Variants in LSAMP observed in about 807,000 individuals in gnomAD.
LSAMP encodes the protein limbic system-associated membrane protein.
Under a neutral mutation model 38.6 loss-of-function variants are expected in LSAMP, and 7 were observed. That is an observed-to-expected ratio of 0.18 (90% CI 0.10 to 0.34). The LOEUF (loss-of-function observed/expected upper bound fraction) is 0.34, where lower values mean the gene tolerates loss of function less well. Ranked by LOEUF, LSAMP falls within the 10% of genes least tolerant of loss-of-function variation. The pLI, the probability that LSAMP is intolerant of heterozygous loss-of-function variation, is 1.00. For missense variants in LSAMP, 313 were observed against 420.0 expected (o/e 0.75, Z 2.23); for synonymous variants, 154 against 166.8 (o/e 0.92, Z 0.59).
intron 3 of LSAMP, among the ~76,000 whole-genome samples, chr3:115,977,585 C>T (rs1576276813): frequency 6.6e-6 from 1 of 152,168 alleles, no homozygotes; most frequent in Non-Finnish European, 1.5e-5. Context: ...ACTCCACCAG[C>T]TGGTATTGTA....
At chr3:116,412,291 A>T (rs760330149) in intron 1 of LSAMP, among the ~76,000 whole-genome samples, 10 of 152,072 alleles carry the variant, frequency 6.6e-5, no homozygotes, top group Non-Finnish European at 1.2e-4. Context: ...TGAGTTAAAA[A>T]GATCTGTTCT....
At chr3:116,348,323 C>T (rs527406434) in intron 1 of LSAMP, among the ~76,000 whole-genome samples, 108 of 152,176 alleles carry the variant, frequency 7.1e-4, no homozygotes, top group African/African-American at 2.6e-3. Flanking sequence ...TTGAAAACCT[C>T]TCATATGGCA....
At chr3:116,334,781 C>T (rs1279627467) in intron 1 of LSAMP, among the ~76,000 whole-genome samples, 5 of 152,036 alleles carry the variant, frequency 3.3e-5, no homozygotes, top group Non-Finnish European at 7.4e-5. Context: ...ACACAGCAAA[C>T]ATTATCAATG....
chr3:116,215,748 G>A (rs976281246), intron 1 of LSAMP, among the ~76,000 whole-genome samples: 2 of 152,150 alleles, frequency 1.3e-5, no homozygotes, highest in Admixed American at 6.6e-5. Flanking sequence ...CCAAAGTTGG[G>A]TATGGTTGTA....
chr3:116,189,508 C>T (rs371938017), intron 1 of LSAMP, among the ~76,000 whole-genome samples: 6 of 152,192 alleles, frequency 3.9e-5, no homozygotes, highest in Admixed American at 3.9e-4. Flanking sequence ...TCTCAGACCT[C>T]GAAAAGCAAA....
chr3:116,006,841 A>G (rs896901944), intron 3 of LSAMP, among the ~76,000 whole-genome samples: 17 of 152,194 alleles, frequency 1.1e-4, no homozygotes, highest in African/African-American at 3.9e-4. Context: ...TATGTTTTGA[A>G]AAATATAAAA....
intron 1 of LSAMP, among the ~76,000 whole-genome samples, chr3:116,335,464 T>TTAC (rs1475122372): frequency 6.6e-6 from 1 of 151,994 alleles, no homozygotes. Context: ...GTTTCAAATA[T>TTAC]TACTACACAA....
intron 1 of LSAMP, among the ~76,000 whole-genome samples, chr3:116,190,440 T>C (rs1710729764): frequency 1.3e-5 from 2 of 152,128 alleles, no homozygotes; most frequent in South Asian, 2.1e-4. Context: ...CTTAAGACTT[T>C]TTTTTTTTAT....
intron 2 of LSAMP, among the ~76,000 whole-genome samples, chr3:116,044,321 C>T (rs1012170274): frequency 3.9e-5 from 6 of 152,186 alleles, no homozygotes; most frequent in Admixed American, 2.6e-4. Flanking sequence ...TCTAACAACC[C>T]TACCTTTCTT....
intron 1 of LSAMP, among the ~76,000 whole-genome samples, chr3:116,428,676 C>T (rs1195919564): frequency 6.6e-6 from 1 of 152,150 alleles, no homozygotes; most frequent in African/African-American, 2.4e-5. Context: ...GAACCTATGG[C>T]TTGGGAACTG....
chr3:116,169,833 G>A (rs919009433), intron 1 of LSAMP, among the ~76,000 whole-genome samples: 121 of 152,212 alleles, frequency 7.9e-4, no homozygotes, highest in African/African-American at 2.7e-3. Context: ...CTGACAGCGG[G>A]TCTTGTGAAA....
At chr3:116,281,679 C>A (rs1254751727) in intron 1 of LSAMP, among the ~76,000 whole-genome samples, 1 of 152,314 alleles carries the variant, frequency 6.6e-6, no homozygotes, top group East Asian at 1.9e-4. Flanking sequence ...AAGAGCCCAT[C>A]TCTTCATGTT....
chr3:116,203,486 T>G (rs1349308332), intron 1 of LSAMP, among the ~76,000 whole-genome samples: 1 of 151,680 alleles, frequency 6.6e-6, no homozygotes, highest in African/African-American at 2.4e-5. Context: ...GACATGCTGG[T>G]GCGCTGCACC....
At chr3:116,369,553 G>T (rs948247572) in intron 1 of LSAMP, among the ~76,000 whole-genome samples, 1 of 152,116 alleles carries the variant, frequency 6.6e-6, no homozygotes, top group Non-Finnish European at 1.5e-5. Flanking sequence ...TTAGAGGAGG[G>T]CACAGAGATT....
intron 1 of LSAMP, among the ~76,000 whole-genome samples, chr3:116,353,762 A>G (rs2048181765): frequency 6.6e-6 from 1 of 152,108 alleles, no homozygotes; most frequent in Non-Finnish European, 1.5e-5. Flanking sequence ...AAATGCATTG[A>G]TTTTATAATT....
intron 1 of LSAMP, chr3:116,367,862 A>G (rs2048376110): frequency 6.6e-6 from 1 of 152,024 alleles, no homozygotes; most frequent in Non-Finnish European, 1.5e-5. Context: ...AAAAAACTTT[A>G]CAAGAAATCC....
intron 1 of LSAMP, among the ~76,000 whole-genome samples, chr3:116,160,633 T>C (rs978721920): frequency 1.3e-5 from 2 of 152,164 alleles, no homozygotes; most frequent in Non-Finnish European, 1.5e-5. Context: ...TTTACTCGTA[T>C]TACAAACCTG....
At chr3:116,021,663 A>G (rs924390407) in intron 2 of LSAMP, among the ~76,000 whole-genome samples, 3 of 152,196 alleles carry the variant, frequency 2.0e-5, no homozygotes, top group Non-Finnish European at 4.4e-5. Flanking sequence ...CAGGGTAAGA[A>G]GAAATATAGA....
At chr3:115,933,498 G>C (rs1937614595) in intron 3 of LSAMP, among the ~76,000 whole-genome samples, 2 of 152,164 alleles carry the variant, frequency 1.3e-5, no homozygotes, top group Admixed American at 1.3e-4. Flanking sequence ...AGAGAAACTA[G>C]TTGTCACAAA....
Sources: allele counts gnomAD v4.1 joint callset (sites outside exome capture counted in the v4.1 genomes callset), GRCh38; gene constraint gnomAD v4.1.1; transcripts MANE v1.5; gene names NCBI Gene and HGNC (gene_info 2026-07-23, HGNC 2026-07-21).